The following NDRG4 variants were observed in gnomAD, a reference collection of about 807,000 sequenced individuals.
NDRG4 encodes protein NDRG4.
Under a neutral mutation model 55.8 loss-of-function variants are expected in NDRG4, and 38 were observed. The ratio of observed to expected loss-of-function variants is 0.68; its 90% CI spans 0.53 to 0.89. The LOEUF (loss-of-function observed/expected upper bound fraction) is 0.89. Ranked by LOEUF, NDRG4 falls within the 40% of genes least tolerant of loss-of-function variation. The probability of loss-of-function intolerance (pLI) is 0.00; values close to 1 mark genes in which losing one functional copy is unlikely to be tolerated. For missense variants in NDRG4, 455 were observed against 468.6 expected (o/e 0.97, Z 0.27); for synonymous variants, 190 against 182.7 (o/e 1.04, Z -0.32).
At chr16:58,466,222 G>A (rs530194655) in intron 1 of NDRG4, among the ~76,000 whole-genome samples, 3 of 152,252 alleles carry the variant, frequency 2.0e-5, no homozygotes, top group Admixed American at 2.0e-4. Context: ...CGCCATGTTG[G>A]CCAGGCTGGT....
At chr16:58,468,017 C>T (rs575434936) in intron 1 of NDRG4, among the ~76,000 whole-genome samples, 1 of 152,288 alleles carries the variant, frequency 6.6e-6, no homozygotes, top group African/African-American at 2.4e-5. Flanking sequence ...CTCTGGGGGA[C>T]CCTACTTAGG....
chr16:58,468,399 A>T (rs1448825042), intron 1 of NDRG4, among the ~76,000 whole-genome samples: 1 of 152,172 alleles, frequency 6.6e-6, no homozygotes, highest in Non-Finnish European at 1.5e-5. Flanking sequence ...CCTCAGTCTT[A>T]TCAGTAAAAT....
chr16:58,482,719 C>CCCTCCCTCCTTTCCTT (rs2034594612), intron 1 of NDRG4, among the ~76,000 whole-genome samples: 3 of 104,084 alleles, frequency 2.9e-5, no homozygotes, highest in Admixed American at 2.1e-4. Context: ...TTTCCTTCCT[C>CCCTCCCTCCTTTCCTT]CCTCCCTCCC....
intron 1 of NDRG4, among the ~76,000 whole-genome samples, chr16:58,482,371 T>C (rs2034500565): frequency 6.6e-6 from 1 of 152,182 alleles, no homozygotes; most frequent in South Asian, 2.1e-4. Flanking sequence ...CGCAGGCCTG[T>C]TTCCTCTGTC....
At chr16:58,481,080 C>T (rs2034331159) in intron 1 of NDRG4, among the ~76,000 whole-genome samples, 1 of 151,592 alleles carries the variant, frequency 6.6e-6, no homozygotes, top group Admixed American at 6.6e-5. Context: ...ATCATGGGTT[C>T]AAATCCAGGT....
chr16:58,509,196 C>G lies in NDRG4; in HGVS notation c.813+7C>G, dbSNP rs1567355539. 1.9e-6 allele frequency: 3 copies of G among 1,614,034 alleles called. No individual in the cohort carries two copies. In the South Asian group the frequency reaches 3.3e-5, roughly 18 times the overall value. ...GCTGCCCCAGGTCACACAGGTGAGA[C>G]TTTTGGCCCTCCTGCCCTTACATCT... On this transcript the variant is annotated splice_region_variant and intron_variant, in intron 12 of 14. Transcript: ENST00000570248.
upstream of NDRG4, among the ~76,000 whole-genome samples, chr16:58,498,404 G>C (rs1020936472): frequency 6.6e-6 from 1 of 152,154 alleles, no homozygotes; most frequent in Non-Finnish European, 1.5e-5. Flanking sequence ...CAGAGGACAT[G>C]ACCAGCAATA....
chr16:58,489,202 A>G (rs1172123140), intron 2 of NDRG4, among the ~76,000 whole-genome samples: 1 of 152,092 alleles, frequency 6.6e-6, no homozygotes, highest in African/African-American at 2.4e-5. Context: ...CAGGAGGCAG[A>G]ATCGCTTGAA....
chr16:58,503,146 A>G (rs1226885489), intron 1 of NDRG4, among the ~76,000 whole-genome samples: 1 of 152,130 alleles, frequency 6.6e-6, no homozygotes, highest in Non-Finnish European at 1.5e-5. Flanking sequence ...AAAGGTGTGA[A>G]CTCAAGAGGA....
At chr16:58,486,055 T>G (rs1409110425) in intron 1 of NDRG4, among the ~76,000 whole-genome samples, 1 of 152,220 alleles carries the variant, frequency 6.6e-6, no homozygotes, top group South Asian at 2.1e-4. Flanking sequence ...CAGAAAGATA[T>G]GTCCATTTAT....
intron 8 of NDRG4, chr16:58,507,596 C>A: frequency 1.8e-6 from 1 of 564,264 alleles, no homozygotes; most frequent in South Asian, 2.5e-5. Context: ...TGGCGGTGCG[C>A]ATGGCTCTGA....
intron 14 of NDRG4, 127 bp downstream of exon 14, chr16:58,510,810 C>G (rs1487819397): frequency 1.2e-6 from 1 of 865,866 alleles, no homozygotes; most frequent in African/African-American, 1.7e-5. Context: ...GTGTCCTGTT[C>G]AACTCAGAAA....
At chr16:58,508,036 G>A in intron 10 of NDRG4, 37 bp downstream of exon 10, 14 of 1,452,824 alleles carry the variant, frequency 9.6e-6, no homozygotes, top group South Asian at 1.3e-5. Context: ...GGGGTGGGAG[G>A]TAGGGGTGAG....
At position 58,509,154 on chromosome 16, in the gene NDRG4, A is replaced by G; in HGVS notation, c.778A>G (p.Met260Val). 1 of 1,613,980 alleles carries G rather than the reference A, an allele frequency of 6.2e-7. No individual in the cohort carries two copies. Among genetic ancestry groups the G allele is most frequent in the Non-Finnish European group, 8.5e-7 (1 of 1,180,018 alleles). ...GGTCACCCCACTCTCTCCCTTGCAG[A>G]TGGCAGACTCTGGAGGGCTGCCCCA... is the stretch of plus-strand genomic sequence containing the variant. ...LDPTTTTFLK[M>V]ADSGGLPQVT... Residue 260 changes from methionine (M) to valine (V), a missense_variant and splice_region_variant, in exon 12 of 15, where the codon ATG becomes GTG. Transcript: ENST00000570248.
chr16:58,506,082 A>T, intron 5 of NDRG4: 2 of 547,170 alleles, frequency 3.7e-6, no homozygotes, highest in Non-Finnish European at 6.6e-6. Context: ...GATGTTTAAT[A>T]CTCAATTTTG....
chr16:58,489,785 GC>G (rs968489181), intron 2 of NDRG4, among the ~76,000 whole-genome samples: 17 of 151,926 alleles, frequency 1.1e-4, no homozygotes, highest in South Asian at 1.0e-3. Flanking sequence ...TCTAAAAAGT[GC>G]CCCCCTACTC....
At chr16:58,502,210 T>C (rs1040365164) in intron 1 of NDRG4, 4 of 343,342 alleles carry the variant, frequency 1.2e-5, no homozygotes, top group Admixed American at 3.6e-5. Context: ...ATGTGGGAAG[T>C]AAATGAGAAA....
chr16:58,510,643 A>T lies in NDRG4; in HGVS notation c.866-2A>T, dbSNP rs1347223374. On this transcript the variant is annotated splice_acceptor_variant, in intron 13 of 14. Transcript: ENST00000570248. LOFTEE classifies it high-confidence loss of function. ...CCTCTCCGGCTCTGTCTTCTCTCTT[A>T]GTTGCGTACTTGAAGGACCGAAGGC... 1 of 1,534,192 alleles carries T rather than the reference A, an allele frequency of 6.5e-7. No homozygotes were observed. Among genetic ancestry groups the T allele is most frequent in the Admixed American group, 2.0e-5 (1 of 50,842 alleles).
chr16:58,471,891 G>A (rs2032896189), intron 1 of NDRG4, among the ~76,000 whole-genome samples: 1 of 151,978 alleles, frequency 6.6e-6, no homozygotes, highest in African/African-American at 2.4e-5. Context: ...GTGTGTGAGT[G>A]TGTGTGTGTG....
Sources: allele counts gnomAD v4.1 joint callset (sites outside exome capture counted in the v4.1 genomes callset), GRCh38; gene constraint gnomAD v4.1.1; transcripts MANE v1.5; gene names NCBI Gene and HGNC (gene_info 2026-07-23, HGNC 2026-07-21).